Variants in CAPRIN1 observed in about 807,000 individuals in gnomAD.
CAPRIN1 encodes cell cycle associated protein 1.
Under a neutral mutation model 100.9 loss-of-function variants are expected in CAPRIN1, and 29 were observed. The ratio of observed to expected loss-of-function variants is 0.29; its 90% confidence interval spans 0.21 to 0.39. The LOEUF (loss-of-function observed/expected upper bound fraction) is 0.39, where lower values mean the gene tolerates loss of function less well. Among genes scored for constraint, CAPRIN1 ranks in the 10% least tolerant of loss-of-function variants. The probability of loss-of-function intolerance (pLI) is 1.00; values close to 1 mark genes in which losing one functional copy is unlikely to be tolerated. For missense variants in CAPRIN1, 795 were observed against 876.7 expected, an observed-to-expected ratio of 0.91 and a Z score of 1.18; for synonymous variants, 338 against 307.5, an observed-to-expected ratio of 1.10 and a Z score of -1.04.
chr11:34,089,276 CCCCCCGCAAAAAAAAAAAAAA>C, intron 11 of CAPRIN1, 98 bp from the exon 12 acceptor site: 1 of 24,438 alleles, frequency 4.1e-5, no homozygotes. Context: ...CCCCCCCCCC[CCCCCCGCAAAAAAAAAAAAAA>C]AAAAAAAAAG....
intron 9 of CAPRIN1, among the ~76,000 whole-genome samples, chr11:34,083,256 A>G (rs1361626095): frequency 1.3e-5 from 2 of 152,196 alleles, no homozygotes; most frequent in African/African-American, 4.8e-5. Flanking sequence ...TAAAAAAATT[A>G]TTTTATACAA....
intron 18 of CAPRIN1, chr11:34,098,088 G>A (rs1246754973): frequency 9.7e-7 from 1 of 1,030,700 alleles, no homozygotes. Context: ...AAACATTTTT[G>A]TAAGACATTT....
rs752814868 is a variant in CAPRIN1, at chr11:34,100,211, TTGTC to T, written c.*849_*852del. Reference sequence around the variant, plus strand: ...TCTATCATTCCTTATGACATGTACATTGTCTGTCACTAATCCTTGGATTTTGCTG... The same window carrying T: ...TCTATCATTCCTTATGACATGTACATTGTCACTAATCCTTGGATTTTGCTG... On this transcript the variant is annotated 3_prime_UTR_variant, in exon 19 of 19. Coordinates refer to ENST00000341394, the MANE Select transcript of CAPRIN1 (RefSeq NM_005898.5). 2.0e-5 allele frequency: 3 copies of T among 152,242 alleles called. No individual in the cohort carries two copies. The highest frequency in any genetic ancestry group is 7.2e-5 in the African/African-American group (3 of 41,468). The allele number at this position is 152,242 out of a possible 1,614,324, so 9.4% of individuals were successfully genotyped here. A position where few individuals can be genotyped will look rare whatever the true frequency, so the allele number is the denominator to read the frequency against.
chr11:34,082,575 A>G (rs2134119397), intron 7 of CAPRIN1, among the ~76,000 whole-genome samples: 1 of 152,284 alleles, frequency 6.6e-6, no homozygotes, highest in South Asian at 2.1e-4. Flanking sequence ...ACCCTCACAG[A>G]TGCACAGCCT....
chr11:34,096,542 C>A lies in CAPRIN1; in HGVS notation c.1769C>A (p.Pro590His). 1 of 1,614,142 alleles carries A rather than the reference C, an allele frequency of 6.2e-7. No homozygotes were observed. Residue 590 changes from proline to histidine, a missense_variant, in exon 16 of 19, where the codon CCT becomes CAT. Around this residue, in one of 3 missense-constraint regions of CAPRIN1, gnomAD observed 648 missense variants for 697.9 expected, o/e 0.93. Transcript: ENST00000341394. ...SHQVTGNHQQ[P>H]PQQNTGFPRS... ...CAAGTGACTGGTAACCACCAGCAGCCTCCTCAGCAGAACACTGGATTTCCA... is the reference window on the plus strand; with the variant it reads ...CAAGTGACTGGTAACCACCAGCAGCATCCTCAGCAGAACACTGGATTTCCA...
intron 2 of CAPRIN1, among the ~76,000 whole-genome samples, chr11:34,055,378 G>C (rs369537581): frequency 2.2e-4 from 34 of 152,224 alleles, no homozygotes; most frequent in African/African-American, 7.5e-4. Flanking sequence ...GCTGGAGTGC[G>C]ACGATGTGAT....
intron 11 of CAPRIN1, among the ~76,000 whole-genome samples, chr11:34,088,803 TTTTAC>T (rs1036970231): frequency 1.3e-5 from 2 of 152,196 alleles, no homozygotes; most frequent in Admixed American, 1.3e-4. Flanking sequence ...TCTATTAACA[TTTTAC>T]TTTACTTTTG....
At chr11:34,084,106 T>G (rs1334169335) in intron 9 of CAPRIN1, among the ~76,000 whole-genome samples, 1 of 152,156 alleles carries the variant, frequency 6.6e-6, no homozygotes, top group Non-Finnish European at 1.5e-5. Context: ...TGCAAAGTTT[T>G]TTTTTTTTGA....
In CAPRIN1 at chr11:34,076,293, G is replaced by A. The variant is rs763258923; in HGVS notation, c.424G>A (p.Glu142Lys). Residue 142 changes from glutamate (E) to lysine (K), a missense_variant, in exon 5 of 19, where the codon GAA becomes AAA. Coordinates refer to ENST00000341394, the MANE Select transcript of CAPRIN1 (RefSeq NM_005898.5). ...RREQLMREEA[E>K]QKRLKTVLEL... ...GGAGCAGCTTATGAGAGAAGAAGCT[G>A]AACAGAAACGTTTAAAAACTGTACT... 6.2e-7 allele frequency: 1 copy of A among 1,614,212 alleles called. No homozygotes were observed. The highest frequency in any genetic ancestry group is 8.5e-7 in the Non-Finnish European group (1 of 1,180,030).
chr11:34,097,941 G>C lies in CAPRIN1; in HGVS notation c.2065+180G>C, dbSNP rs1851396825. On this transcript the variant is annotated intron_variant, in intron 18 of 18. Transcript: ENST00000341394. ...TGGACCCAAATTTTAATTTTTGAAT[G>C]ATTTAATTTTCCCTGTTACTATATA... 2.2e-6 allele frequency: 3 copies of C among 1,360,720 alleles called. No homozygotes were observed. The African/African-American group carries it at 4.4e-5, about 20-fold the overall frequency. The allele number at this position is 1,360,720 out of a possible 1,614,324, so 84.3% of individuals were successfully genotyped here.
At chr11:34,074,680 C>A (rs962544720) in intron 4 of CAPRIN1, among the ~76,000 whole-genome samples, 2 of 152,158 alleles carry the variant, frequency 1.3e-5, no homozygotes, top group African/African-American at 4.8e-5. Flanking sequence ...GTCAGAAGTT[C>A]GAGACCAGCC....
intron 4 of CAPRIN1, among the ~76,000 whole-genome samples, chr11:34,075,719 T>C (rs115717382): frequency 0.017 from 2,570 of 152,320 alleles, 51 homozygotes; most frequent in African/African-American, 0.059. Context: ...AAGATTTTTA[T>C]TGTTGCTGTG....
chr11:34,064,645 A>G (rs17771981), intron 2 of CAPRIN1, among the ~76,000 whole-genome samples: 9,667 of 152,308 alleles, frequency 0.063, 392 homozygotes, highest in Non-Finnish European at 0.092. Context: ...TTTATAGTGT[A>G]CATTTTGGTA....
chr11:34,078,462 A>T (rs374945240), intron 6 of CAPRIN1, among the ~76,000 whole-genome samples: 3 of 152,092 alleles, frequency 2.0e-5, no homozygotes, highest in Non-Finnish European at 4.4e-5. Flanking sequence ...AAATTCTGAT[A>T]GTTTTTGTTT....
rs370924676 is a variant in CAPRIN1 at position 34,057,865 on chromosome 11, C to A, written c.216+5229C>A. Reference sequence around the variant, plus strand: ...TCCTGAGTAGCTGGGATTACAGGCGCCCGCCACCACGCCCGGCTAATTTTT... The same window carrying A: ...TCCTGAGTAGCTGGGATTACAGGCGACCGCCACCACGCCCGGCTAATTTTT... On this transcript the variant is annotated intron_variant, in intron 2 of 18. Transcript: ENST00000341394. Among the ~76,000 whole-genome samples the A allele has an allele frequency of 3.2e-4, 49 of 151,962 alleles. No homozygotes were observed. In the East Asian group the frequency reaches 4.7e-3, roughly 14 times the overall value.
At chr11:34,089,103 T>A (rs1369336784) in intron 11 of CAPRIN1, among the ~76,000 whole-genome samples, 3 of 151,652 alleles carry the variant, frequency 2.0e-5, no homozygotes, top group Non-Finnish European at 4.4e-5. Context: ...ACCCTGTCTC[T>A]ACTAAAAATA....
chr11:34,099,197 G>A, intron 18 of CAPRIN1, 106 bp from the exon 19 acceptor site: 1 of 1,538,244 alleles, frequency 6.5e-7, no homozygotes, highest in Non-Finnish European at 8.9e-7. Flanking sequence ...GCCTAATAAT[G>A]TGGTGACAGG....
At position 34,089,517 on chromosome 11, in the gene CAPRIN1, A is replaced by G. The variant is rs148555363; in HGVS notation, c.1293+61A>G. 1,030 of 980,976 alleles carry G rather than the reference A, an allele frequency of 1.0e-3. 12 individuals carry two copies. In the African/African-American group the frequency reaches 0.014, roughly 14 times the overall value. The allele number at this position is 980,976 out of a possible 1,614,324, so 60.8% of individuals were successfully genotyped here. ...TTAGGTGGCTCGTACCTATAATCCT[A>G]GTACTTTAGGAGGCTGAGATGGGAG... On this transcript the variant is annotated intron_variant, in intron 12 of 18. Transcript: ENST00000341394.
rs1335598383 is a variant in CAPRIN1 at position 34,102,552 on chromosome 11, A to C, written c.*3185A>C. On this transcript the variant is annotated 3_prime_UTR_variant, in exon 19 of 19. Coordinates refer to ENST00000341394, the MANE Select transcript of CAPRIN1 (RefSeq NM_005898.5). ...CTTTTTCCATTTTGAATCCTACAAA[A>C]ATACTGCAAAAGACTAGTGAATGTT... 6.6e-6 allele frequency among the ~76,000 whole-genome samples: 1 copy of C among 152,212 alleles called. No individual in the cohort carries two copies. The highest frequency in any genetic ancestry group is 6.5e-5 in the Admixed American group (1 of 15,284).
Sources: allele counts gnomAD v4.1 joint callset (sites outside exome capture counted in the v4.1 genomes callset), GRCh38; gene constraint gnomAD v4.1.1; regional missense constraint gnomAD v4.1.1; transcripts MANE v1.5; gene names NCBI Gene and HGNC (gene_info 2026-07-23, HGNC 2026-07-21).